Variants in FHIT observed in about 807,000 individuals in gnomAD.
The protein encoded by FHIT is fragile histidine triad diadenosine triphosphatase.
FHIT carries 19 observed loss-of-function variants against 17.9 expected under a neutral mutation model. That is an observed-to-expected ratio of 1.06 (90% CI 0.74 to 1.56). The LOEUF (loss-of-function observed/expected upper bound fraction) is 1.56, where lower values mean the gene tolerates loss of function less well. Among genes scored for constraint, FHIT ranks in the 40% most tolerant of loss-of-function variants. The pLI, the probability that FHIT is intolerant of heterozygous loss-of-function variation, is 0.00. For synonymous variants in FHIT, 81 were observed against 69.7 expected (o/e 1.16, Z -0.81); for missense variants, 248 against 189.2 (o/e 1.31, Z -1.82).
At chr3:61,226,932 G>T (rs959087852) in intron 1 of FHIT, among the ~76,000 whole-genome samples, 1 of 152,032 alleles carries the variant, frequency 6.6e-6, no homozygotes, top group Non-Finnish European at 1.5e-5. Context: ...TTACAGTCTA[G>T]GATAAAGGAC....
chr3:60,552,991 T>C (rs1000393560), intron 4 of FHIT, among the ~76,000 whole-genome samples: 8 of 152,258 alleles, frequency 5.3e-5, no homozygotes. Flanking sequence ...TGAGAAGGTA[T>C]GTAGAGTGAG....
At chr3:61,035,126 A>G (rs1160897449) in intron 3 of FHIT, among the ~76,000 whole-genome samples, 1 of 152,172 alleles carries the variant, frequency 6.6e-6, no homozygotes, top group Non-Finnish European at 1.5e-5. Context: ...TTGGTGGCTG[A>G]CAAGGGTTTG....
intron 4 of FHIT, among the ~76,000 whole-genome samples, chr3:60,708,740 CATT>C (rs1455622582): frequency 6.6e-6 from 1 of 152,138 alleles, no homozygotes; most frequent in Non-Finnish European, 1.5e-5. Flanking sequence ...TGTTAAGACT[CATT>C]GTTGGCAAGG....
chr3:60,571,246 G>C lies in FHIT; in HGVS notation c.-17-34267C>G, dbSNP rs143444178. Among the ~76,000 whole-genome samples, 903 of 141,822 alleles carry C rather than the reference G, an allele frequency of 6.4e-3. 3 individuals are homozygous for C. The highest frequency in any genetic ancestry group is 9.8e-3 in the Non-Finnish European group (647 of 66,344). The allele number at this position is 141,822 out of a possible 152,430, so 93.0% of individuals were successfully genotyped here. On this transcript the variant is annotated intron_variant, in intron 4 of 9. Transcript: ENST00000492590. ...AGCTACTCGGGAGACTGAGGCAGGA[G>C]AATCACTTGAACCTGGTAAGCAGAG...
At chr3:60,716,403 C>T (rs539222573) in intron 4 of FHIT, among the ~76,000 whole-genome samples, 1 of 151,706 alleles carries the variant, frequency 6.6e-6, no homozygotes, top group African/African-American at 2.4e-5. Flanking sequence ...TTTTTTTAAA[C>T]TTTTTTTTGT....
chr3:60,391,361 G>A (rs1249579272), intron 5 of FHIT, among the ~76,000 whole-genome samples: 1 of 152,160 alleles, frequency 6.6e-6, no homozygotes, highest in African/African-American at 2.4e-5. Flanking sequence ...TAAGCTCCCA[G>A]CCTCAAGCAA....
Position 60,185,659 on chromosome 3 carries a change from T to C in FHIT, c.104-171507A>G, listed in dbSNP as rs140797854. On this transcript the variant is annotated intron_variant, in intron 5 of 9. Coordinates refer to ENST00000492590, the MANE Select transcript of FHIT (RefSeq NM_002012.4). ...CTAGGTATATGACTGCTGGATTGTA[T>C]GGTAAAACTATGTTTAACTTTGTAG... 1.7e-4 allele frequency among the ~76,000 whole-genome samples: 26 copies of C among 152,350 alleles called. 1 individual carries two copies. The highest frequency in any genetic ancestry group is 5.8e-4 in the African/African-American group (24 of 41,584).
At chr3:60,946,224 GC>G (rs1343538942) in intron 3 of FHIT, among the ~76,000 whole-genome samples, 1 of 152,148 alleles carries the variant, frequency 6.6e-6, no homozygotes, top group East Asian at 1.9e-4. Flanking sequence ...GTCACCTGAG[GC>G]AGCAGCCCTG....
chr3:60,423,123 G>C (rs915001785), intron 5 of FHIT, among the ~76,000 whole-genome samples: 2 of 152,116 alleles, frequency 1.3e-5, no homozygotes, highest in Non-Finnish European at 2.9e-5. Flanking sequence ...GCCTCTCATG[G>C]CAAAGCGAGG....
chr3:59,810,468 G>C (rs1559626333), intron 8 of FHIT, among the ~76,000 whole-genome samples: 1 of 152,166 alleles, frequency 6.6e-6, no homozygotes. Context: ...ACAAATAGAA[G>C]CATGCACCTG....
chr3:60,983,075 G>A (rs1279247896), intron 3 of FHIT, among the ~76,000 whole-genome samples: 1 of 152,000 alleles, frequency 6.6e-6, no homozygotes, highest in Non-Finnish European at 1.5e-5. Flanking sequence ...TTCTTGGACA[G>A]ATATTTAACT....
At chr3:60,490,016 T>TTTTGACCA (rs2033997468) in intron 5 of FHIT, among the ~76,000 whole-genome samples, 1 of 152,144 alleles carries the variant, frequency 6.6e-6, no homozygotes, top group African/African-American at 2.4e-5. Flanking sequence ...ACAAGGCTAC[T>TTTTGACCA]TTTGACCAAA....
chr3:60,369,681 C>A (rs1316761067), intron 5 of FHIT, among the ~76,000 whole-genome samples: 2 of 152,078 alleles, frequency 1.3e-5, no homozygotes, highest in Non-Finnish European at 2.9e-5. Flanking sequence ...CCTTCTATAG[C>A]CCCAACTGAG....
At chr3:60,508,082 C>G (rs1002478899) in intron 5 of FHIT, among the ~76,000 whole-genome samples, 22 of 152,102 alleles carry the variant, frequency 1.4e-4, no homozygotes, top group African/African-American at 4.8e-4. Context: ...GCTCTGACTG[C>G]TAGCTACATG....
intron 5 of FHIT, among the ~76,000 whole-genome samples, chr3:60,459,324 A>G (rs757744933): frequency 3.3e-5 from 5 of 152,238 alleles, no homozygotes; most frequent in Non-Finnish European, 4.4e-5. Context: ...GCCATAATGC[A>G]AAGGTATAAA....
chr3:61,124,937 T>C (rs2036566155), intron 2 of FHIT, among the ~76,000 whole-genome samples: 1 of 152,212 alleles, frequency 6.6e-6, no homozygotes. Flanking sequence ...GCCTCCATGC[T>C]GATGTTTCAT....
At chr3:59,895,764 T>C (rs1704042050) in intron 8 of FHIT, among the ~76,000 whole-genome samples, 1 of 152,218 alleles carries the variant, frequency 6.6e-6, no homozygotes, top group African/African-American at 2.4e-5. Flanking sequence ...CCATATGTCC[T>C]GTTAAAGGCG....
intron 3 of FHIT, among the ~76,000 whole-genome samples, chr3:60,928,593 TAAA>T (rs533923982): frequency 7.2e-6 from 1 of 138,342 alleles, no homozygotes. Flanking sequence ...TTTTAAATGC[TAAA>T]AAAAAAAAAG....
At chr3:60,034,806 C>A (rs1701146435) in intron 5 of FHIT, among the ~76,000 whole-genome samples, 1 of 151,980 alleles carries the variant, frequency 6.6e-6, no homozygotes, top group African/African-American at 2.4e-5. Context: ...ATATTAAAGC[C>A]CTGGTTAGAA....
Sources: gnomAD v4.1 joint callset for allele counts (sites outside exome capture counted in the v4.1 genomes callset) on GRCh38, gnomAD v4.1.1 for gene constraint, MANE v1.5 for transcripts, NCBI Gene and HGNC (gene_info 2026-07-23, HGNC 2026-07-21) for gene names.